Variants in SMARCA2 observed in about 807,000 individuals in gnomAD.
SMARCA2 encodes the protein SWI/SNF related BAF chromatin remodeling complex subunit ATPase 2.
In SMARCA2, 61 loss-of-function variants were observed where a neutral mutation model predicts 199.8. The ratio of observed to expected loss-of-function variants is 0.31; its 90% CI spans 0.25 to 0.38. The LOEUF is 0.38. Among genes scored for constraint, SMARCA2 ranks in the 10% least tolerant of loss-of-function variants. The pLI is 1.00. For synonymous variants in SMARCA2, 935 were observed against 732.0 expected (o/e 1.28, Z -4.48); for missense variants, 1,344 against 2,012.2 (o/e 0.67, Z 6.35).
chr9:2,176,625 C>T (rs531507850), intron 29 of SMARCA2, among the ~76,000 whole-genome samples: 4 of 152,200 alleles, frequency 2.6e-5, no homozygotes, highest in East Asian at 1.9e-4. Flanking sequence ...GATCTCAGCT[C>T]GCTGCGACCT....
At chr9:2,083,287 T>C (rs1452961793) in intron 15 of SMARCA2, 60 bp from the exon 16 acceptor site, 8 of 1,133,240 alleles carry the variant, frequency 7.1e-6, no homozygotes, top group Non-Finnish European at 9.0e-6. Context: ...GAACATCTTT[T>C]TAACCATTGA....
chr9:2,069,378 A>G lies in SMARCA2; in HGVS notation c.1693-1040A>G, dbSNP rs570822640. Among the ~76,000 whole-genome samples the G allele has an allele frequency of 1.4e-3, 205 of 150,336 alleles. 1 individual carries two copies. Among genetic ancestry groups the G allele is most frequent in the African/African-American group, 4.9e-3 (202 of 40,914 alleles). On this transcript the variant is annotated intron_variant, in intron 9 of 33. Coordinates refer to ENST00000349721, the MANE Select transcript of SMARCA2 (RefSeq NM_003070.5). ...GAGACCATCGTGGCTAACACGGTGA[A>G]ACCCCGTCTCCACTAAAAAAATACA...
At chr9:2,096,547 G>C in intron 19 of SMARCA2, 110 bp from the exon 20 acceptor site, 1 of 710,000 alleles carries the variant, frequency 1.4e-6, no homozygotes, top group Non-Finnish European at 2.5e-6. Flanking sequence ...CCAAGAAAGA[G>C]AAAGAGAGAC....
chr9:2,015,895 C>T (rs1271874278), intron 1 of SMARCA2: 1 of 152,172 alleles, frequency 6.6e-6, no homozygotes, highest in African/African-American at 2.4e-5. Flanking sequence ...GGGGGAAGGC[C>T]TGGGGGACAG....
chr9:2,160,695 G>C, intron 27 of SMARCA2: 1 of 662,534 alleles, frequency 1.5e-6, no homozygotes, highest in Non-Finnish European at 2.8e-6. Flanking sequence ...AGGCAATATT[G>C]AGAGGCAGGA....
At chr9:2,192,123 A>T (rs1425465369) in intron 33 of SMARCA2, 1 of 164,284 alleles carries the variant, frequency 6.1e-6, no homozygotes, top group Non-Finnish European at 1.3e-5. Context: ...AGCAAGGTAG[A>T]AGAGTGGGCA....
At chr9:2,112,948 C>G (rs1453687896) in intron 24 of SMARCA2, among the ~76,000 whole-genome samples, 4 of 152,148 alleles carry the variant, frequency 2.6e-5, no homozygotes, top group Non-Finnish European at 4.4e-5. Context: ...CATGAACACC[C>G]CACCAGGATC....
At chr9:2,148,707 C>A (rs1232274687) in intron 27 of SMARCA2, among the ~76,000 whole-genome samples, 1 of 151,288 alleles carries the variant, frequency 6.6e-6, no homozygotes, top group East Asian at 1.9e-4. Context: ...CAGAGTTTTG[C>A]CATGTTGCCT....
intron 1 of SMARCA2, among the ~76,000 whole-genome samples, chr9:2,023,892 G>T (rs1405941339): frequency 1.3e-5 from 2 of 152,322 alleles, no homozygotes; most frequent in East Asian, 1.9e-4. Context: ...GACATAAAAA[G>T]AACTCTTATC....
At chr9:2,092,081 G>A (rs1372884827) in intron 19 of SMARCA2, among the ~76,000 whole-genome samples, 3 of 152,078 alleles carry the variant, frequency 2.0e-5, no homozygotes, top group Admixed American at 6.6e-5. Flanking sequence ...ATAGAAAAGG[G>A]ATTATGTAAG....
intron 1 of SMARCA2, among the ~76,000 whole-genome samples, chr9:2,021,790 G>A (rs910364443): frequency 5.3e-5 from 8 of 152,154 alleles, no homozygotes; most frequent in African/African-American, 1.9e-4. Flanking sequence ...TTGAATACAA[G>A]TAACAAATGG....
intron 27 of SMARCA2, among the ~76,000 whole-genome samples, chr9:2,125,872 T>C (rs1050981445): frequency 2.6e-5 from 4 of 152,240 alleles, no homozygotes; most frequent in Non-Finnish European, 5.9e-5. Flanking sequence ...TGGGCAAGAA[T>C]GTAGCTGAAC....
chr9:2,171,032 A>G lies in SMARCA2; in HGVS notation c.4253+560A>G, dbSNP rs80210399. On this transcript the variant is annotated intron_variant, in intron 29 of 33. Coordinates refer to ENST00000349721, the MANE Select transcript of SMARCA2 (RefSeq NM_003070.5). ...ACTCCTGGGCCTACCTGTTGTGTGTAGTCCCAAGCATCTAAAGCCAGTCTC... is the reference window on the plus strand; with the variant it reads ...ACTCCTGGGCCTACCTGTTGTGTGTGGTCCCAAGCATCTAAAGCCAGTCTC... Among the ~76,000 whole-genome samples the G allele has an allele frequency of 6.2e-4, 94 of 152,300 alleles. No homozygotes were observed. In the East Asian group the frequency reaches 0.017, roughly 28 times the overall value.
At chr9:2,145,668 G>C (rs145228207) in intron 27 of SMARCA2, among the ~76,000 whole-genome samples, 9 of 152,304 alleles carry the variant, frequency 5.9e-5, no homozygotes, top group African/African-American at 2.2e-4. Context: ...TTTGGACTTA[G>C]TGTTCCATAA....
At position 2,088,816 on chromosome 9, in the gene SMARCA2, G is replaced by A. The variant is rs188727695; in HGVS notation, c.2883+203G>A. 3.7e-3 allele frequency among the ~76,000 whole-genome samples: 557 copies of A among 151,534 alleles called. 2 individuals are homozygous for A. Among genetic ancestry groups the A allele is most frequent in the African/African-American group, 0.013 (522 of 41,168 alleles). On this transcript the variant is annotated intron_variant, in intron 19 of 33. Transcript: ENST00000349721. ...AGCATTTGCAGCCTGTTTTCCAAAA[G>A]CGTTCGAGCAGATTTTATGAAATTA...
rs1354728393 is a variant in SMARCA2, at chr9:2,060,318, C to T, written c.1522-498C>T. On this transcript the variant is annotated intron_variant, in intron 8 of 33. Coordinates refer to ENST00000349721, the MANE Select transcript of SMARCA2 (RefSeq NM_003070.5). Reference sequence around the variant, plus strand: ...AGGATATTATGTCTGGAATTTGCTTCAAGACAATTCAGTTTGGGTTTAGAA... The same window carrying T: ...AGGATATTATGTCTGGAATTTGCTTTAAGACAATTCAGTTTGGGTTTAGAA... Among the ~76,000 whole-genome samples, 3 of 152,018 alleles carry T rather than the reference C, an allele frequency of 2.0e-5. No homozygotes were observed. In the East Asian group the frequency reaches 5.8e-4, roughly 29 times the overall value.
At chr9:2,078,876 C>T (rs946251819) in intron 14 of SMARCA2, among the ~76,000 whole-genome samples, 12 of 151,658 alleles carry the variant, frequency 7.9e-5, no homozygotes, top group East Asian at 1.9e-4. Flanking sequence ...ACCCAGGAGG[C>T]GGAGCTTACA....
At chr9:2,157,918 C>CTGTG (rs1825452509) in intron 27 of SMARCA2, 1 of 398,390 alleles carries the variant, frequency 2.5e-6, no homozygotes, top group South Asian at 1.3e-4. Context: ...AGGGCCACGA[C>CTGTG]TGGACCCACG....
At chr9:2,162,590 C>A (rs553457253) in intron 28 of SMARCA2, among the ~76,000 whole-genome samples, 2 of 152,126 alleles carry the variant, frequency 1.3e-5, no homozygotes, top group African/African-American at 4.8e-5. Flanking sequence ...AGTTAGGCTA[C>A]GTTTTGGTTA....
Sources: allele counts gnomAD v4.1 joint callset (sites outside exome capture counted in the v4.1 genomes callset), GRCh38; gene constraint gnomAD v4.1.1; transcripts MANE v1.5; gene names NCBI Gene and HGNC (gene_info 2026-07-23, HGNC 2026-07-21).